Variants in ATP2C1 observed in about 807,000 individuals in gnomAD.
The protein encoded by ATP2C1 is calcium-transporting ATPase type 2C member 1.
ATP2C1 carries 31 observed loss-of-function variants against 120.5 expected under a neutral mutation model. The ratio of observed to expected loss-of-function variants is 0.26; its 90% CI spans 0.19 to 0.35. The LOEUF is 0.35. ATP2C1 is among the 10% of genes least tolerant of loss of function. ATP2C1 has a pLI of 1.00. For synonymous variants in ATP2C1, 351 were observed against 358.7 expected, an observed-to-expected ratio of 0.98 and a Z score of 0.24; for missense variants, 731 against 1,107.5, an observed-to-expected ratio of 0.66 and a Z score of 4.83.
intron 14 of ATP2C1, among the ~76,000 whole-genome samples, chr3:130,966,264 C>T (rs1487515076): frequency 6.6e-6 from 1 of 152,056 alleles, no homozygotes. Flanking sequence ...TGTGCCCTTT[C>T]TGGATGATTC....
At chr3:130,960,329 T>G (rs866532214) in intron 12 of ATP2C1, among the ~76,000 whole-genome samples, 1 of 152,152 alleles carries the variant, frequency 6.6e-6, no homozygotes, top group Non-Finnish European at 1.5e-5. Flanking sequence ...AGCAATTCAC[T>G]CAAGTACAAG....
chr3:130,894,238 C>A lies in ATP2C1; in HGVS notation c.-280C>A, dbSNP rs1283835719. The A allele has an allele frequency of 2.0e-6, 2 of 984,940 alleles. No homozygotes were observed. Among genetic ancestry groups the A allele is most frequent in the Non-Finnish European group, 1.2e-6 (1 of 829,816 alleles). The allele number at this position is 984,940 out of a possible 1,614,324, so 61.0% of individuals were successfully genotyped here. On this transcript the variant is annotated 5_prime_UTR_variant, in exon 1 of 28. Coordinates refer to ENST00000510168, the MANE Select transcript of ATP2C1 (RefSeq NM_001378687.1). The surrounding 1 kb of genome is among the most constrained non-coding windows in gnomAD (Gnocchi z 4.5). Reference sequence around the variant, plus strand: ...AGCAGGCTCCCGCCTCGCACCGCTGCCCCGCGAGCAGCTCCTCTTCTCCCG... The same window carrying A: ...AGCAGGCTCCCGCCTCGCACCGCTGACCCGCGAGCAGCTCCTCTTCTCCCG...
rs1553779038 is a variant in ATP2C1, at chr3:130,990,275, C to CCA, written c.1840-2675_1840-2674insAC. 2.3e-5 allele frequency among the ~76,000 whole-genome samples: 3 copies of CCA among 130,514 alleles called. 1 individual carries two copies. Among genetic ancestry groups the CCA allele is most frequent in the Non-Finnish European group, 5.0e-5 (3 of 59,842 alleles). The allele number at this position is 130,514 out of a possible 152,430, so 85.6% of individuals were successfully genotyped here. A position where few individuals can be genotyped will look rare whatever the true frequency, so the allele number is the denominator to read the frequency against. ...GTTAAATAAGTGCTTAAGAGCAACC[C>CCA]CCCCCCCCACAAAAAAAGGCAAAAT... On this transcript the variant is annotated intron_variant, in intron 20 of 27. Transcript: ENST00000510168.
chr3:130,866,591 A>T (rs2107743246), intron 1 of ATP2C1, among the ~76,000 whole-genome samples: 1 of 150,080 alleles, frequency 6.7e-6, no homozygotes. Flanking sequence ...TTATCACTGA[A>T]TTGCTAACTT....
intron 14 of ATP2C1, among the ~76,000 whole-genome samples, chr3:130,965,611 C>A (rs1418519699): frequency 6.6e-6 from 1 of 152,046 alleles, no homozygotes. Context: ...TTTCTGTGCA[C>A]CAAGTATACT....
intron 2 of ATP2C1, chr3:130,919,227 TTTC>T (rs1391028380): frequency 2.5e-4 from 41 of 161,658 alleles, no homozygotes; most frequent in Middle Eastern, 2.7e-3. Flanking sequence ...TCTTTCTTTC[TTTC>T]TTTTTTTTTT....
chr3:130,866,415 G>T (rs927051738), intron 1 of ATP2C1, among the ~76,000 whole-genome samples: 4 of 152,148 alleles, frequency 2.6e-5, no homozygotes, highest in Non-Finnish European at 5.9e-5. Flanking sequence ...TCAAGAAAAT[G>T]GCATTTTATC....
At chr3:130,909,103 T>A (rs2058271187) in intron 2 of ATP2C1, among the ~76,000 whole-genome samples, 1 of 152,194 alleles carries the variant, frequency 6.6e-6, no homozygotes, top group Admixed American at 6.6e-5. Context: ...GCTCTGGAAC[T>A]TAAGGTTCAG....
intron 2 of ATP2C1, among the ~76,000 whole-genome samples, chr3:130,923,292 C>G (rs1435622266): frequency 6.6e-6 from 1 of 151,566 alleles, no homozygotes; most frequent in Admixed American, 6.6e-5. Context: ...AGTGGTGCGA[C>G]CTTGGCACAC....
intron 2 of ATP2C1, among the ~76,000 whole-genome samples, chr3:130,906,356 T>C (rs777493746): frequency 5.9e-5 from 9 of 152,104 alleles, no homozygotes; most frequent in Non-Finnish European, 1.2e-4. Flanking sequence ...GTCTGGCTTC[T>C]AGCACGTGTT....
chr3:131,008,576 A>C (rs946816080), intron 26 of ATP2C1, among the ~76,000 whole-genome samples: 3 of 152,160 alleles, frequency 2.0e-5, no homozygotes, highest in Non-Finnish European at 2.9e-5. Context: ...TGTGGCAGCA[A>C]AGGTGAGCAG....
intron 26 of ATP2C1, chr3:131,015,228 C>G (rs2063549337): frequency 1.4e-6 from 1 of 702,046 alleles, no homozygotes; most frequent in Non-Finnish European, 2.6e-6. Flanking sequence ...GTCCATATAT[C>G]CTCATTCAAA....
intron 17 of ATP2C1, among the ~76,000 whole-genome samples, chr3:130,969,628 G>A (rs1460113967): frequency 1.3e-5 from 2 of 152,186 alleles, no homozygotes; most frequent in Admixed American, 6.5e-5. Flanking sequence ...TGAGCAAACA[G>A]CTTAAATGAG....
chr3:130,935,431 G>A (rs2059623063), intron 5 of ATP2C1, among the ~76,000 whole-genome samples: 1 of 152,088 alleles, frequency 6.6e-6, no homozygotes, highest in Admixed American at 6.6e-5. Context: ...TCATTGAACT[G>A]TTTTCTCATC....
intron 1 of ATP2C1, among the ~76,000 whole-genome samples, chr3:130,854,521 C>G (rs1478565091): frequency 1.3e-5 from 2 of 152,214 alleles, no homozygotes; most frequent in African/African-American, 2.4e-5. Context: ...CAATGTTCCC[C>G]TAAGTACTAG....
intron 1 of ATP2C1, among the ~76,000 whole-genome samples, chr3:130,872,678 G>A (rs1389522168): frequency 6.6e-6 from 1 of 151,874 alleles, no homozygotes; most frequent in Non-Finnish European, 1.5e-5. Flanking sequence ...TCCGCCTCCT[G>A]GGTTCAAGCG....
chr3:131,014,391 T>A (rs1242188390), intron 26 of ATP2C1: 1 of 1,556,988 alleles, frequency 6.4e-7, no homozygotes, highest in Admixed American at 2.1e-5. Context: ...GTACAGTCTG[T>A]TCAAAGCAAG....
chr3:130,872,631 C>A (rs955786735), intron 1 of ATP2C1, among the ~76,000 whole-genome samples: 2 of 151,636 alleles, frequency 1.3e-5, no homozygotes, highest in African/African-American at 4.9e-5. Context: ...GTCACCCAAG[C>A]TGGAGTGCAG....
At chr3:130,924,826 C>T (rs537400412) in intron 2 of ATP2C1, among the ~76,000 whole-genome samples, 7 of 151,924 alleles carry the variant, frequency 4.6e-5, no homozygotes, top group Non-Finnish European at 1.0e-4. Context: ...TGTCTTCTGT[C>T]TCTGAAGTTC....
Sources: gnomAD v4.1 joint callset for allele counts (sites outside exome capture counted in the v4.1 genomes callset) on GRCh38, gnomAD v4.1.1 for gene constraint, Gnocchi (gnomAD v3.1) non-coding constraint, MANE v1.5 for transcripts, NCBI Gene and HGNC (gene_info 2026-07-23, HGNC 2026-07-21) for gene names.